The following MTFR1L variants were observed in gnomAD, a reference collection of about 807,000 sequenced individuals.
MTFR1L encodes the protein mitochondrial fission regulator 1 like.
Under a neutral mutation model 27.9 loss-of-function variants are expected in MTFR1L, and 10 were observed. The ratio of observed to expected loss-of-function variants is 0.36; its 90% confidence interval spans 0.22 to 0.61. The LOEUF (loss-of-function observed/expected upper bound fraction) is 0.61. MTFR1L is among the 20% of genes least tolerant of loss of function. The pLI, the probability that MTFR1L is intolerant of heterozygous loss-of-function variation, is 0.73. For missense variants in MTFR1L, 315 were observed against 363.7 expected, an observed-to-expected ratio of 0.87 and a Z score of 1.09; for synonymous variants, 151 against 139.4, an observed-to-expected ratio of 1.08 and a Z score of -0.58.
chr1:25,824,211 C>T (rs1408643874), intron 3 of MTFR1L, among the ~76,000 whole-genome samples: 1 of 152,158 alleles, frequency 6.6e-6, no homozygotes, highest in African/African-American at 2.4e-5. Context: ...GCCATAATTC[C>T]TCAGCCTTCT....
Position 25,823,679 on chromosome 1 carries a change from T to A in MTFR1L, c.60T>A (p.Ala20=). ...TCTGGCAAAACAAGCCACATGGGGC[T>A]GCTCGAAGTGTAGTAAGAAGAATTG... ...IPIWQNKPHG[A]ARSVVRRIGT... Residue 20 remains alanine (A), a synonymous_variant, in exon 3 of 7, where the codon GCT becomes GCA. Transcript: ENST00000374303. The A allele has an allele frequency of 6.2e-7, 1 of 1,614,096 alleles. No individual in the cohort carries two copies. Among genetic ancestry groups the A allele is most frequent in the Non-Finnish European group, 8.5e-7 (1 of 1,179,986 alleles).
chr1:25,820,111 T>C lies in MTFR1L; in HGVS notation c.-87+82T>C. 6.8e-6 allele frequency: 3 copies of C among 442,802 alleles called. 1 individual carries two copies. The highest frequency in any genetic ancestry group is 4.7e-5 in the South Asian group (3 of 63,510). 27.4% of individuals were successfully genotyped at this position (442,802 alleles called of 1,614,324 possible). A position where few individuals can be genotyped will look rare whatever the true frequency, so the allele number is the denominator to read the frequency against. ...TAGACTGGGTCTACGTGCCGGGCGC[T>C]GTGCGGAGCCCGCAGCTCCTGTTCC... On this transcript the variant is annotated intron_variant, in intron 1 of 6. Transcript: ENST00000374303.
At position 25,832,435 on chromosome 1, in the gene MTFR1L, A is replaced by C; in HGVS notation, c.*409A>C. 1 of 463,234 alleles carries C rather than the reference A, an allele frequency of 2.2e-6. No individual in the cohort carries two copies. The highest frequency in any genetic ancestry group is 4.0e-6 in the Non-Finnish European group (1 of 250,804). The allele number at this position is 463,234 out of a possible 1,614,324, so 28.7% of individuals were successfully genotyped here. On this transcript the variant is annotated 3_prime_UTR_variant, in exon 7 of 7. Transcript: ENST00000374303. Reference sequence around the variant, plus strand: ...CTCAGCAGCTTCCTTGCAGCAGAGCAGGGCTGAGGGGAAGGGGCTATGAAT... The same window carrying C: ...CTCAGCAGCTTCCTTGCAGCAGAGCCGGGCTGAGGGGAAGGGGCTATGAAT...
chr1:25,826,219 A>T lies in MTFR1L; in HGVS notation c.130-83A>T. Reference sequence around the variant, plus strand: ...CCTTCCTGACACCCAGTGCCGGATTAGGTACCCCTCCTGTGTATTCTGCAG... The same window carrying T: ...CCTTCCTGACACCCAGTGCCGGATTTGGTACCCCTCCTGTGTATTCTGCAG... On this transcript the variant is annotated intron_variant, in intron 3 of 6. Coordinates refer to ENST00000374303, the MANE Select transcript of MTFR1L (RefSeq NM_001099625.2). This position sits in a 1 kb window ranked among gnomAD's most constrained non-coding sequence, Gnocchi z 4.1. 1 of 1,176,964 alleles carries T rather than the reference A, an allele frequency of 8.5e-7. No homozygotes were observed. Among genetic ancestry groups the T allele is most frequent in the Non-Finnish European group, 1.2e-6 (1 of 802,934 alleles). The allele number at this position is 1,176,964 out of a possible 1,614,324, so 72.9% of individuals were successfully genotyped here.
At chr1:25,828,755 A>AT (rs931342864) in intron 5 of MTFR1L, among the ~76,000 whole-genome samples, 3 of 151,694 alleles carry the variant, frequency 2.0e-5, no homozygotes, top group South Asian at 2.1e-4. Context: ...TCCCATCCTC[A>AT]TTTTTTCACT....
chr1:25,825,849 T>C (rs1351033239), intron 3 of MTFR1L: 1 of 162,292 alleles, frequency 6.2e-6, no homozygotes, highest in African/African-American at 2.4e-5. Context: ...CTTGCCTGTT[T>C]TTGTTTTTGA....
At chr1:25,823,513 A>T in intron 2 of MTFR1L, 131 bp from the exon 3 acceptor site, 1 of 1,419,456 alleles carries the variant, frequency 7.0e-7, no homozygotes, top group Non-Finnish European at 9.7e-7. Flanking sequence ...TTGAGAGTTG[A>T]CTTGCCCCTA....
chr1:25,830,457 G>C (rs1236956007), intron 6 of MTFR1L, among the ~76,000 whole-genome samples: 3 of 152,190 alleles, frequency 2.0e-5, no homozygotes, highest in African/African-American at 4.8e-5. Flanking sequence ...TGGAGTATGA[G>C]GGTCTTTGGG....
In MTFR1L at chr1:25,829,558, C is replaced by G; in HGVS notation, c.501C>G (p.Val167=). The change falls in exon 6 of 7, where the codon GTC becomes GTG. Residue 167 remains valine, a synonymous_variant. Coordinates refer to ENST00000374303, the MANE Select transcript of MTFR1L (RefSeq NM_001099625.2). ...PDFLSPGSSN[V]SSPLPCFGSS... ...TCTTATCTCCAGGAAGTTCAAATGT[C>G]TCTTCTCCCTTACCTTGTTTTGGAT... 6.2e-7 allele frequency: 1 copy of G among 1,614,212 alleles called. No individual in the cohort carries two copies. Among genetic ancestry groups the G allele is most frequent in the Non-Finnish European group, 8.5e-7 (1 of 1,180,028 alleles).
Position 25,820,016 on chromosome 1 carries a change from A to G in MTFR1L, c.-100A>G. ...GGGCCGTGAGGTGAGAGAGTCCGGG[A>G]GCCCGAGCTTGAGGTGAGAAAGGTT... On this transcript the variant is annotated 5_prime_UTR_variant, in exon 1 of 7. Coordinates refer to ENST00000374303, the MANE Select transcript of MTFR1L (RefSeq NM_001099625.2). 1 of 352,692 alleles carries G rather than the reference A, an allele frequency of 2.8e-6. No individual in the cohort carries two copies. The highest frequency in any genetic ancestry group is 2.1e-5 in the South Asian group (1 of 48,246). The allele number at this position is 352,692 out of a possible 1,614,324, so 21.8% of individuals were successfully genotyped here. A position where few individuals can be genotyped will look rare whatever the true frequency, so the allele number is the denominator to read the frequency against.
At position 25,823,253 on chromosome 1, in the gene MTFR1L, G is replaced by A. The variant is rs75514189; in HGVS notation, c.24+125G>A. 407 of 1,009,760 alleles carry A rather than the reference G, an allele frequency of 4.0e-4. 3 individuals are homozygous for A. In the East Asian group the frequency reaches 7.8e-3, roughly 19 times the overall value. The allele number at this position is 1,009,760 out of a possible 1,614,324, so 62.6% of individuals were successfully genotyped here. On this transcript the variant is annotated intron_variant, in intron 2 of 6. Coordinates refer to ENST00000374303, the MANE Select transcript of MTFR1L (RefSeq NM_001099625.2). ...CTTTCTCCAGAGGCCTGGAATTGGA[G>A]CAAGGCCACCGTTTCACTCCCTCCC...
At chr1:25,820,151 C>T (rs577494660) in intron 1 of MTFR1L, 122 bp downstream of exon 1, 189 of 451,088 alleles carry the variant, frequency 4.2e-4, no homozygotes, top group African/African-American at 3.4e-3. Context: ...CGAGTTCTCG[C>T]GGGAGCCGCA....
chr1:25,828,539 G>A (rs1007838522), intron 5 of MTFR1L, among the ~76,000 whole-genome samples: 3 of 151,358 alleles, frequency 2.0e-5, no homozygotes, highest in Admixed American at 6.6e-5. Flanking sequence ...CAGCATGGGC[G>A]ACAGAGTGAG....
intron 1 of MTFR1L, among the ~76,000 whole-genome samples, chr1:25,821,299 C>T (rs1487479376): frequency 2.6e-5 from 4 of 152,178 alleles, no homozygotes; most frequent in Non-Finnish European, 5.9e-5. Context: ...TGGCAGTAAG[C>T]ACCGTTAGTG....
rs1325689639 is a variant in MTFR1L at position 25,832,834 on chromosome 1, A to G, written c.*808A>G. The G allele has an allele frequency of 1.9e-5, 3 of 154,186 alleles. No individual in the cohort carries two copies. The highest frequency in any genetic ancestry group is 1.3e-4 in the Admixed American group (2 of 15,646). The allele number at this position is 154,186 out of a possible 1,614,324, so 9.6% of individuals were successfully genotyped here. ...GGCCAAGGTTTGTATGTACCACACC[A>G]TGCATGACTCAGATGCCCTCAGGTC... On this transcript the variant is annotated 3_prime_UTR_variant, in exon 7 of 7. Transcript: ENST00000374303.
chr1:25,826,349 C>A lies in MTFR1L; in HGVS notation c.177C>A (p.Val59=). ...SDLCLRDVPP[V]PTLADIAWIA... ...TGTGTTTGAGAGATGTGCCCCCAGT[C>A]CCTACCCTGGCTGACATCGCCTGGA... is the stretch of plus-strand genomic sequence containing the variant. The change falls in exon 4 of 7, where the codon GTC becomes GTA. Residue 59 remains valine (V), a synonymous_variant. Transcript: ENST00000374303. The surrounding 1 kb of genome is among the most constrained non-coding windows in gnomAD (Gnocchi z 4.1). 1 of 1,614,156 alleles carries A rather than the reference C, an allele frequency of 6.2e-7. No individual in the cohort carries two copies. Among genetic ancestry groups the A allele is most frequent in the African/African-American group, 1.3e-5 (1 of 75,036 alleles).
chr1:25,829,392 G>C, intron 5 of MTFR1L, 117 bp from the exon 6 acceptor site: 3 of 931,282 alleles, frequency 3.2e-6, no homozygotes, highest in Admixed American at 2.3e-5. Context: ...GGCTCTCCCA[G>C]ATTGTCATGG....
At chr1:25,829,960 ACTAC>A in intron 6 of MTFR1L, 130 bp downstream of exon 6, 1 of 981,906 alleles carries the variant, frequency 1.0e-6, no homozygotes, top group Non-Finnish European at 1.5e-6. Flanking sequence ...AAGCTTGCTG[ACTAC>A]CTGCTTGCCA....
At chr1:25,825,589 A>T (rs937436697) in intron 3 of MTFR1L, 18 of 152,206 alleles carry the variant, frequency 1.2e-4, no homozygotes, top group Non-Finnish European at 1.6e-4. Flanking sequence ...ATCTAAATAT[A>T]TTCAAATTTT....
Sources: gnomAD v4.1 joint callset for allele counts (sites outside exome capture counted in the v4.1 genomes callset) on GRCh38, gnomAD v4.1.1 for gene constraint, Gnocchi (gnomAD v3.1) non-coding constraint, MANE v1.5 for transcripts, NCBI Gene and HGNC (gene_info 2026-07-23, HGNC 2026-07-21) for gene names.